The following CROCC variants were observed in gnomAD, a reference collection of about 807,000 sequenced individuals.
CROCC encodes ciliary rootlet coiled-coil, rootletin.
Under a neutral mutation model 245.2 loss-of-function variants are expected in CROCC, and 180 were observed. The observed-to-expected ratio is 0.73, with a 90% confidence interval of 0.65 to 0.83. The LOEUF is 0.83. Ranked by LOEUF, CROCC falls within the 40% of genes least tolerant of loss-of-function variation. The pLI, the probability that CROCC is intolerant of heterozygous loss-of-function variation, is 0.00. For missense variants in CROCC, 2,688 were observed against 2,779.4 expected, an observed-to-expected ratio of 0.97 and a Z score of 0.74; for synonymous variants, 1,205 against 1,241.6, an observed-to-expected ratio of 0.97 and a Z score of 0.62.
chr1:16,951,284 T>C, intron 20 of CROCC, 162 bp downstream of exon 20: 1 of 585,002 alleles, frequency 1.7e-6, no homozygotes. Flanking sequence ...TTGTGGTTCT[T>C]ATTAGACATG....
intron 18 of CROCC, 116 bp from the exon 19 acceptor site, chr1:16,948,683 C>T: frequency 1.3e-6 from 2 of 1,540,218 alleles, no homozygotes; most frequent in African/African-American, 1.4e-5. Flanking sequence ...GGAGTGTGGG[C>T]CTGGCCAGGC....
At chr1:16,914,090 C>G (rs1246409208) in intron 1 of CROCC, among the ~76,000 whole-genome samples, 3 of 151,574 alleles carry the variant, frequency 2.0e-5, no homozygotes, top group African/African-American at 7.2e-5. Context: ...CCGCCCGGTC[C>G]GGCCCGCTCG....
At chr1:16,920,282 T>A (rs201343377), upstream of CROCC, among the ~76,000 whole-genome samples, 1 of 152,258 alleles carries the variant, frequency 6.6e-6, no homozygotes, top group East Asian at 1.9e-4. Flanking sequence ...TTTCACCATG[T>A]AGGCCAGGAT....
chr1:16,944,303 C>A, intron 14 of CROCC, 21 bp downstream of exon 14: 1 of 1,511,552 alleles, frequency 6.6e-7, no homozygotes, highest in South Asian at 1.3e-5. Flanking sequence ...TCTCGCCACC[C>A]TGCCAGGACC....
rs188462458 is a variant in CROCC at position 16,960,032 on chromosome 1, C to T, written c.4033-726C>T. On this transcript the variant is annotated intron_variant, in intron 26 of 36. Coordinates refer to ENST00000375541, the MANE Select transcript of CROCC (RefSeq NM_014675.5). ...CTGTAATCCCAGCACTTTGGGAGGC[C>T]GAGGCTGGCAGATCACTTGAGGCCA... Among the ~76,000 whole-genome samples the T allele has an allele frequency of 5.0e-3, 762 of 151,968 alleles. 9 individuals are homozygous for T. Among genetic ancestry groups the T allele is most frequent in the African/African-American group, 0.017 (698 of 41,470 alleles).
At chr1:16,915,190 T>C (rs1163190815) in intron 1 of CROCC, among the ~76,000 whole-genome samples, 1 of 152,294 alleles carries the variant, frequency 6.6e-6, no homozygotes, top group African/African-American at 2.4e-5. Context: ...ATGTGTTCGC[T>C]GGTGTCCTTC....
chr1:16,965,364 C>T (rs530259232), intron 27 of CROCC, among the ~76,000 whole-genome samples: 1 of 152,242 alleles, frequency 6.6e-6, no homozygotes, highest in Non-Finnish European at 1.5e-5. Context: ...ACATCAGACC[C>T]CGCTGAGGGT....
At chr1:16,914,147 C>G (rs554080054) in intron 1 of CROCC, among the ~76,000 whole-genome samples, 1 of 151,236 alleles carries the variant, frequency 6.6e-6, no homozygotes, top group Non-Finnish European at 1.5e-5. Context: ...GGTAGGTGGC[C>G]GGGGGCGCGC....
At chr1:16,967,611 T>A (rs1217207883) in intron 30 of CROCC, among the ~76,000 whole-genome samples, 2 of 151,976 alleles carry the variant, frequency 1.3e-5, no homozygotes, top group Non-Finnish European at 2.9e-5. Context: ...GAGGCTCTAA[T>A]AACACCCCCT....
Position 16,958,567 on chromosome 1 carries a change from T to G in CROCC, c.3865-16T>G. On this transcript the variant is annotated splice_polypyrimidine_tract_variant and intron_variant, in intron 25 of 36. Transcript: ENST00000375541. ...GGGGCAGAGCTGAACCTGCTGCCAT[T>G]CCCGTGCTCTCACAGATGAAGATGC... The G allele has an allele frequency of 4.5e-6, 7 of 1,549,544 alleles. No individual in the cohort carries two copies. The highest frequency in any genetic ancestry group is 6.1e-6 in the Non-Finnish European group (7 of 1,146,988).
intron 27 of CROCC, among the ~76,000 whole-genome samples, chr1:16,961,900 G>C (rs546176369): frequency 6.6e-6 from 1 of 152,020 alleles, no homozygotes; most frequent in Non-Finnish European, 1.5e-5. Context: ...TTCCTGGACC[G>C]GGGGCTGGAG....
chr1:16,963,473 G>A (rs993924275), intron 27 of CROCC, among the ~76,000 whole-genome samples: 6 of 152,318 alleles, frequency 3.9e-5, no homozygotes, highest in African/African-American at 1.2e-4. Context: ...ACCCTGAGAC[G>A]ATGGGACCTT....
chr1:16,915,560 AGCC>A (rs1163358200), intron 1 of CROCC, among the ~76,000 whole-genome samples: 1 of 152,246 alleles, frequency 6.6e-6, no homozygotes, highest in Non-Finnish European at 1.5e-5. Flanking sequence ...GGATCCCTTA[AGCC>A]CAGGAGGTCA....
Position 16,948,417 on chromosome 1 carries a change from G to A in CROCC, c.2601G>A (p.Ala867=), listed in dbSNP as rs776506952. 46 of 1,573,282 alleles carry A rather than the reference G, an allele frequency of 2.9e-5. No homozygotes were observed. The highest frequency in any genetic ancestry group is 6.9e-5 in the East Asian group (3 of 43,692). ...GGCAAGTGGAGGCGCTGGAGCGAGC[G>A]GCCCGTGAGAAGGAGGCGCTAGCCA... ...AQRQVEALER[A]AREKEALAKE... The change falls in exon 18 of 37, where the codon GCG becomes GCA. Residue 867 remains alanine, a synonymous_variant. Transcript: ENST00000375541.
Position 16,946,328 on chromosome 1 carries a change from G to T in CROCC, c.2206G>T (p.Asp736Tyr), listed in dbSNP as rs768268461. 1.4e-5 allele frequency: 22 copies of T among 1,613,508 alleles called. 2 individuals carry two copies. The South Asian group carries it at 2.3e-4, about 17-fold the overall frequency. The change falls in exon 16 of 37, where the codon GAC (aspartate) becomes TAC (tyrosine). Residue 736 changes from aspartate to tyrosine, a missense_variant. This residue lies in a region of CROCC where 295 missense variants were observed against 241.7 expected (regional missense o/e 1.22). Coordinates refer to ENST00000375541, the MANE Select transcript of CROCC (RefSeq NM_014675.5). ...GAGGGCAGAGGAGGCCTCCCTGCAG[G>T]ACTCCCTGTCCAAGCTGAGCGCCCT... Reference protein sequence around the residue: ...KLRAEEASLQDSLSKLSALNE... With the variant: ...KLRAEEASLQYSLSKLSALNE...
Position 16,940,089 on chromosome 1 carries a change from A to G in CROCC, c.1804A>G (p.Ser602Gly). 6.2e-7 allele frequency: 1 copy of G among 1,602,050 alleles called. No homozygotes were observed. The highest frequency in any genetic ancestry group is 8.5e-7 in the Non-Finnish European group (1 of 1,176,026). ...QRLRSANELL[S>G]REKSNLAHSL... Reference sequence around the variant, plus strand: ...GCTGCGGAGCGCCAACGAGCTCCTGAGCAGGTGCCGGGGAGGTCTGAGCTG... The same window carrying G: ...GCTGCGGAGCGCCAACGAGCTCCTGGGCAGGTGCCGGGGAGGTCTGAGCTG... The change falls in exon 13 of 37, where the codon AGC becomes GGC. Residue 602 changes from serine to glycine, a missense_variant. Transcript: ENST00000375541.
chr1:16,963,623 C>T (rs2076369266), intron 27 of CROCC, among the ~76,000 whole-genome samples: 1 of 152,038 alleles, frequency 6.6e-6, no homozygotes, highest in African/African-American at 2.4e-5. Context: ...ATGGCAGGAC[C>T]CGTGTCCTGC....
At chr1:16,916,037 G>A (rs574604111) in intron 1 of CROCC, among the ~76,000 whole-genome samples, 19 of 152,378 alleles carry the variant, frequency 1.2e-4, no homozygotes, top group East Asian at 7.7e-4. Context: ...TTAGCTGGGC[G>A]TGGTGGTGCA....
In CROCC at chr1:16,939,956, C is replaced by T. The variant is rs192529738; in HGVS notation, c.1671C>T (p.Ser557=). 9 of 1,612,810 alleles carry T rather than the reference C, an allele frequency of 5.6e-6. No homozygotes were observed. Among genetic ancestry groups the T allele is most frequent in the African/African-American group, 5.3e-5 (4 of 75,050 alleles). The stretch of plus-strand genomic sequence containing the variant: ...TGGGCACCCTGCGGAAGCAGCTTAG[C>T]GACAGCGAGAGCGAGCGGCGGGCCC... ...DLLGTLRKQL[S]DSESERRALE... Residue 557 remains serine, a synonymous_variant, in exon 13 of 37, where the codon AGC becomes AGT. Transcript: ENST00000375541.
Sources: gnomAD v4.1 joint callset for allele counts (sites outside exome capture counted in the v4.1 genomes callset) on GRCh38, gnomAD v4.1.1 for gene constraint, gnomAD v4.1.1 regional missense constraint, MANE v1.5 for transcripts, NCBI Gene and HGNC (gene_info 2026-07-23, HGNC 2026-07-21) for gene names.